Variants in PIBF1 observed in about 807,000 individuals in gnomAD.
The protein encoded by PIBF1 is progesterone immunomodulatory binding factor 1.
PIBF1 carries 90 observed loss-of-function variants against 112.5 expected under a neutral mutation model. The observed-to-expected ratio is 0.80, with a 90% confidence interval of 0.67 to 0.95. The LOEUF (loss-of-function observed/expected upper bound fraction) is 0.95. Ranked by LOEUF, PIBF1 falls within the 40% of genes least tolerant of loss-of-function variation. The pLI is 0.00. For synonymous variants in PIBF1, 301 were observed against 288.6 expected, an observed-to-expected ratio of 1.04 and a Z score of -0.44; for missense variants, 915 against 852.3, an observed-to-expected ratio of 1.07 and a Z score of -0.92.
At chr13:73,013,335 T>G (rs1185466525) in intron 17 of PIBF1, among the ~76,000 whole-genome samples, 3 of 136,490 alleles carry the variant, frequency 2.2e-5, no homozygotes, top group Non-Finnish European at 4.6e-5. Context: ...AAGAAAATAT[T>G]AGAAGGAGAT....
chr13:72,908,514 T>A lies in PIBF1; in HGVS notation c.1489-17T>A. On this transcript the variant is annotated splice_polypyrimidine_tract_variant and intron_variant, in intron 11 of 17. Coordinates refer to ENST00000326291, the MANE Select transcript of PIBF1 (RefSeq NM_006346.4). Reference sequence around the variant, plus strand: ...CTGTTTAATTCTGCCTTTGTAATTCTTCTCTTTCACTATTAGGTTTTAACC... The same window carrying A: ...CTGTTTAATTCTGCCTTTGTAATTCATCTCTTTCACTATTAGGTTTTAACC... 1 of 1,565,498 alleles carries A rather than the reference T, an allele frequency of 6.4e-7. No homozygotes were observed.
chr13:72,839,787 G>A (rs879548242), intron 9 of PIBF1, among the ~76,000 whole-genome samples: 4 of 152,096 alleles, frequency 2.6e-5, no homozygotes, highest in Non-Finnish European at 5.9e-5. Context: ...GGTTGGTAGG[G>A]GTAGGTTGGT....
chr13:72,801,867 A>C (rs2035494577), intron 5 of PIBF1, among the ~76,000 whole-genome samples: 1 of 152,220 alleles, frequency 6.6e-6, no homozygotes, highest in Admixed American at 6.5e-5. Context: ...CAGCAGAGAA[A>C]ATTTATGACA....
At chr13:72,885,274 C>A (rs2039802988) in intron 10 of PIBF1, among the ~76,000 whole-genome samples, 1 of 152,094 alleles carries the variant, frequency 6.6e-6, no homozygotes, top group African/African-American at 2.4e-5. Flanking sequence ...TTTCTTCACT[C>A]TCTGTAATTT....
intron 10 of PIBF1, among the ~76,000 whole-genome samples, chr13:72,857,917 G>A (rs1180980932): frequency 1.3e-5 from 2 of 152,144 alleles, no homozygotes; most frequent in Non-Finnish European, 2.9e-5. Flanking sequence ...CATTGTGTTT[G>A]CGTGGGTATG....
intron 9 of PIBF1, among the ~76,000 whole-genome samples, chr13:72,840,035 G>C (rs994221218): frequency 1.3e-5 from 2 of 152,164 alleles, no homozygotes; most frequent in African/African-American, 4.8e-5. Context: ...ATTGCCACCA[G>C]GTGGTGCCAA....
intron 3 of PIBF1, among the ~76,000 whole-genome samples, chr13:72,794,738 T>TG (rs1324832404): frequency 6.6e-6 from 1 of 152,238 alleles, no homozygotes; most frequent in East Asian, 1.9e-4. Context: ...CCCTGCCATG[T>TG]GGAAGTCTGA....
chr13:72,812,851 A>AG (rs1348464740), intron 5 of PIBF1, among the ~76,000 whole-genome samples: 1 of 151,830 alleles, frequency 6.6e-6, no homozygotes, highest in Non-Finnish European at 1.5e-5. Context: ...CCCAGGTAGG[A>AG]GGATTGCTTG....
intron 10 of PIBF1, among the ~76,000 whole-genome samples, chr13:72,887,073 G>A (rs143977243): frequency 1.3e-4 from 19 of 145,988 alleles, no homozygotes; most frequent in African/African-American, 4.0e-4. Flanking sequence ...CTGGAAATCT[G>A]TGGGCTCTAT....
chr13:72,917,950 C>A (rs2041157995), intron 13 of PIBF1, among the ~76,000 whole-genome samples: 1 of 152,168 alleles, frequency 6.6e-6, no homozygotes, highest in African/African-American at 2.4e-5. Context: ...TTGGTATCCA[C>A]AGGAGGTGGA....
At chr13:72,917,000 CT>C in intron 12 of PIBF1, 75 bp from the exon 13 acceptor site, 1 of 942,584 alleles carries the variant, frequency 1.1e-6, no homozygotes, top group Non-Finnish European at 1.6e-6. Context: ...TTATAACCTC[CT>C]TTATTTTCAC....
chr13:72,939,080 C>T (rs920691677), intron 14 of PIBF1, among the ~76,000 whole-genome samples: 2 of 152,168 alleles, frequency 1.3e-5, no homozygotes, highest in African/African-American at 4.8e-5. Context: ...TTATCCAATA[C>T]ATGATTTGCG....
intron 11 of PIBF1, among the ~76,000 whole-genome samples, chr13:72,905,780 G>A (rs892036496): frequency 6.6e-6 from 1 of 152,102 alleles, no homozygotes; most frequent in Non-Finnish European, 1.5e-5. Context: ...TTGGTCTCTG[G>A]ATGCAGGTGA....
rs2044381011 is a variant in PIBF1, at chr13:73,016,357, T to C, written c.*438T>C. On this transcript the variant is annotated 3_prime_UTR_variant, in exon 18 of 18. Coordinates refer to ENST00000326291, the MANE Select transcript of PIBF1 (RefSeq NM_006346.4). ...GGTGGTCAGATACCATGTAGATGGA[T>C]ACAGATTGTTGACTCTTTTGAAGTT... 6.6e-6 allele frequency: 1 copy of C among 152,232 alleles called. No individual in the cohort carries two copies. The highest frequency in any genetic ancestry group is 6.5e-5 in the Admixed American group (1 of 15,274). The allele number at this position is 152,232 out of a possible 1,614,324, so 9.4% of individuals were successfully genotyped here.
At chr13:72,907,643 T>C (rs1399455013) in intron 11 of PIBF1, among the ~76,000 whole-genome samples, 1 of 152,104 alleles carries the variant, frequency 6.6e-6, no homozygotes, top group African/African-American at 2.4e-5. Flanking sequence ...AAAGCCATAT[T>C]GAAATCCAAA....
intron 14 of PIBF1, among the ~76,000 whole-genome samples, chr13:72,962,966 C>T (rs1274407585): frequency 6.6e-6 from 1 of 152,096 alleles, no homozygotes; most frequent in Non-Finnish European, 1.5e-5. Context: ...TAGAATAGAG[C>T]CCAGAAGTAA....
At chr13:72,983,623 T>A (rs2043205900) in intron 16 of PIBF1, among the ~76,000 whole-genome samples, 1 of 152,184 alleles carries the variant, frequency 6.6e-6, no homozygotes, top group South Asian at 2.1e-4. Flanking sequence ...ATGTTTGTGT[T>A]CCCAGATTCT....
chr13:72,975,623 C>G (rs1183902535), intron 16 of PIBF1, among the ~76,000 whole-genome samples: 6 of 152,068 alleles, frequency 3.9e-5, no homozygotes, highest in Admixed American at 3.9e-4. Context: ...GAGAAAGTGT[C>G]CCAGGACTAG....
intron 14 of PIBF1, among the ~76,000 whole-genome samples, chr13:72,939,612 T>C (rs150691968): frequency 7.2e-5 from 11 of 152,314 alleles, no homozygotes; most frequent in African/African-American, 2.6e-4. Context: ...TTTACCTTAA[T>C]TTGTTTATTC....
Sources: allele counts gnomAD v4.1 joint callset (sites outside exome capture counted in the v4.1 genomes callset), GRCh38; gene constraint gnomAD v4.1.1; transcripts MANE v1.5; gene names NCBI Gene and HGNC (gene_info 2026-07-23, HGNC 2026-07-21).